The following PROCR variants were observed in gnomAD, a reference collection of about 807,000 sequenced individuals.
The protein encoded by PROCR is protein C receptor, also known as endothelial protein C receptor.
PROCR carries 22 observed loss-of-function variants against 24.2 expected under a neutral mutation model. That is an observed-to-expected ratio of 0.91 (90% CI 0.65 to 1.30). PROCR has a LOEUF of 1.30. PROCR is among the 50% of genes most tolerant of loss of function. PROCR has a pLI of 0.00. For missense variants in PROCR, 288 were observed against 307.7 expected (o/e 0.94, Z 0.48); for synonymous variants, 137 against 139.2 (o/e 0.98, Z 0.11).
At position 35,176,403 on chromosome 20, in the gene PROCR, T is replaced by C; in HGVS notation, c.558T>C (p.Cys186=). The C allele has an allele frequency of 6.2e-7, 1 of 1,614,198 alleles. No homozygotes were observed. The highest frequency in any genetic ancestry group is 1.7e-4 in the Middle Eastern group (1 of 6,050). Residue 186 remains cysteine (C), a synonymous_variant, in exon 3 of 4, where the codon TGT becomes TGC. Transcript: ENST00000216968. ...TGCGGGAATTCCTGGAGGACACCTGTGTGCAGTATGTGCAGAAACATATTT... is the reference window on the plus strand; with the variant it reads ...TGCGGGAATTCCTGGAGGACACCTGCGTGCAGTATGTGCAGAAACATATTT... The part of the protein sequence containing the change: ...YELREFLEDT[C]VQYVQKHISA...
chr20:35,174,091 C>T (rs968917099), intron 1 of PROCR, among the ~76,000 whole-genome samples: 5 of 152,044 alleles, frequency 3.3e-5, no homozygotes, highest in Non-Finnish European at 7.4e-5. Context: ...GGGAAAGGCA[C>T]AAAGATAATA....
chr20:35,187,624 T>G (rs2086139212), intron 1 of PROCR, among the ~76,000 whole-genome samples: 1 of 152,240 alleles, frequency 6.6e-6, no homozygotes, highest in Non-Finnish European at 1.5e-5. Flanking sequence ...AACAGTGGGA[T>G]GAATAACTCT....
At chr20:35,183,566 T>C (rs1322482671) in intron 1 of PROCR, among the ~76,000 whole-genome samples, 3 of 152,220 alleles carry the variant, frequency 2.0e-5, no homozygotes, top group Non-Finnish European at 2.9e-5. Context: ...ATTAGCCACT[T>C]GCAGGTATTC....
intron 1 of PROCR, among the ~76,000 whole-genome samples, chr20:35,182,376 T>C (rs1205447140): frequency 2.0e-5 from 3 of 152,088 alleles, no homozygotes; most frequent in Non-Finnish European, 4.4e-5. Context: ...CATGGCTCAC[T>C]GCAGCTTCAA....
chr20:35,207,208 G>A (rs1465222129), intron 1 of PROCR, among the ~76,000 whole-genome samples: 1 of 152,120 alleles, frequency 6.6e-6, no homozygotes, highest in East Asian at 1.9e-4. Context: ...TGACTACAAA[G>A]GGGTAACAAA....
chr20:35,187,273 C>T (rs1326703695), intron 1 of PROCR, among the ~76,000 whole-genome samples: 1 of 152,130 alleles, frequency 6.6e-6, no homozygotes. Flanking sequence ...CACCATGTTG[C>T]CCAGGCTCGA....
Position 35,176,680 on chromosome 20 carries a change from T to A in PROCR, c.602-18T>A, listed in dbSNP as rs2086022361. On this transcript the variant is annotated intron_variant, in intron 3 of 3. Transcript: ENST00000216968. ...TTGGGGGCCTATTCTTCGGGCTAAC[T>A]CTTTGCATGTTCTGCAGGGAGCCAA... The A allele has an allele frequency of 1.9e-6, 3 of 1,598,618 alleles. No individual in the cohort carries two copies. In the African/African-American group the frequency reaches 4.0e-5, roughly 21 times the overall value.
chr20:35,191,116 C>T (rs1033293747), intron 1 of PROCR, among the ~76,000 whole-genome samples: 2 of 152,112 alleles, frequency 1.3e-5, no homozygotes, highest in Admixed American at 6.6e-5. Context: ...CCTCAGCATC[C>T]CAAAGTGCTG....
chr20:35,198,810 G>C (rs1184054716), intron 1 of PROCR, among the ~76,000 whole-genome samples: 4 of 151,944 alleles, frequency 2.6e-5, no homozygotes, highest in Admixed American at 6.6e-5. Context: ...CATATGCTGG[G>C]TTCAAACAAT....
chr20:35,181,229 C>A (rs180972227), downstream of PROCR, among the ~76,000 whole-genome samples: 3 of 151,538 alleles, frequency 2.0e-5, no homozygotes, highest in African/African-American at 7.3e-5. Context: ...CAAGGCCTTG[C>A]ACAATGTGGC....
chr20:35,174,802 G>A lies in PROCR; in HGVS notation c.171G>A (p.Val57=). Residue 57 remains valine, a synonymous_variant, in exon 2 of 4, where the codon GTG becomes GTA. Transcript: ENST00000216968. ...NASLGGHLTH[V]LEGPDTNTTI... Reference sequence around the variant, plus strand: ...CGCTGGGGGGACACCTAACGCACGTGCTGGAAGGCCCAGACACCAACACCA... The same window carrying A: ...CGCTGGGGGGACACCTAACGCACGTACTGGAAGGCCCAGACACCAACACCA... 1 of 1,614,112 alleles carries A rather than the reference G, an allele frequency of 6.2e-7. No individual in the cohort carries two copies. The highest frequency in any genetic ancestry group is 8.5e-7 in the Non-Finnish European group (1 of 1,180,000).
chr20:35,175,427 C>T (rs907724719), intron 2 of PROCR, among the ~76,000 whole-genome samples: 22 of 150,172 alleles, frequency 1.5e-4, no homozygotes, highest in Non-Finnish European at 3.1e-4. Context: ...GTTCTTCTCT[C>T]AAAGCCCCAC....
intron 1 of PROCR, among the ~76,000 whole-genome samples, chr20:35,184,089 T>C (rs1222559451): frequency 6.6e-6 from 1 of 152,132 alleles, no homozygotes; most frequent in Non-Finnish European, 1.5e-5. Context: ...AGAGCCCACA[T>C]GGCCAAAGCA....
At chr20:35,184,889 C>G (rs1355191000) in intron 1 of PROCR, among the ~76,000 whole-genome samples, 1 of 151,816 alleles carries the variant, frequency 6.6e-6, no homozygotes, top group Non-Finnish European at 1.5e-5. Flanking sequence ...CTAATTAAAC[C>G]AAAGAGCTTT....
chr20:35,175,071 C>T (rs1447524514), intron 2 of PROCR, 118 bp downstream of exon 2: 22 of 1,211,432 alleles, frequency 1.8e-5, no homozygotes, highest in Non-Finnish European at 2.3e-5. Context: ...ACCCGGCAGC[C>T]ACTGGAGCTC....
chr20:35,210,847 C>T (rs1232724081), intron 1 of PROCR, among the ~76,000 whole-genome samples: 1 of 151,716 alleles, frequency 6.6e-6, no homozygotes, highest in Admixed American at 6.6e-5. Context: ...CCAGTAGCTG[C>T]GATTACTGGC....
intron 1 of PROCR, among the ~76,000 whole-genome samples, chr20:35,192,326 T>C (rs913859120): frequency 2.0e-5 from 3 of 152,148 alleles, no homozygotes; most frequent in Non-Finnish European, 4.4e-5. Flanking sequence ...GGCTCGACAG[T>C]CAACAGGGAC....
chr20:35,215,173 G>A (rs1454740215), intron 1 of PROCR, among the ~76,000 whole-genome samples: 1 of 152,060 alleles, frequency 6.6e-6, no homozygotes, highest in African/African-American at 2.4e-5. Context: ...GCCTCCCAAA[G>A]GTGCTGGGAT....
At chr20:35,195,551 T>C (rs2086208250) in intron 1 of PROCR, 1 of 152,168 alleles carries the variant, frequency 6.6e-6, no homozygotes, top group Non-Finnish European at 1.5e-5. Context: ...CCAGGAGTGG[T>C]GGCTCACACT....
Sources: allele counts gnomAD v4.1 joint callset (sites outside exome capture counted in the v4.1 genomes callset), GRCh38; gene constraint gnomAD v4.1.1; transcripts MANE v1.5; gene names NCBI Gene and HGNC (gene_info 2026-07-23, HGNC 2026-07-21).